The following PCDHGB5 variants were observed in gnomAD, a reference collection of about 807,000 sequenced individuals.
PCDHGB5 encodes protocadherin gamma subfamily B, 5, also known as protocadherin gamma-B5.
A neutral mutation model predicts 62.9 loss-of-function variants in PCDHGB5; 48 were observed. That is an observed-to-expected ratio of 0.76 (90% CI 0.61 to 0.97). PCDHGB5 has a LOEUF of 0.97. Ranked by LOEUF, PCDHGB5 falls within the 50% of genes least tolerant of loss-of-function variation. PCDHGB5 has a pLI of 0.00. For missense variants in PCDHGB5, 1,118 were observed against 1,198.6 expected, an observed-to-expected ratio of 0.93 and a Z score of 0.99; for synonymous variants, 474 against 511.2, an observed-to-expected ratio of 0.93 and a Z score of 0.98.
At chr5:141,419,521 C>A (rs1418329404) in intron 1 of PCDHGB5, 1 of 1,612,240 alleles carries the variant, frequency 6.2e-7, no homozygotes, top group Non-Finnish European at 8.5e-7. Context: ...TGGTGGGCGA[C>A]CGTAACGACA....
intron 1 of PCDHGB5, chr5:141,415,748 T>TTG (rs2095929710): frequency 9.9e-7 from 1 of 1,008,886 alleles, no homozygotes; most frequent in South Asian, 2.7e-5. Context: ...AGGTTTTTTT[T>TTG]TTTTTTTTTT....
chr5:141,448,983 T>G (rs1157371020), intron 1 of PCDHGB5, among the ~76,000 whole-genome samples: 1 of 152,004 alleles, frequency 6.6e-6, no homozygotes, highest in East Asian at 1.9e-4. Flanking sequence ...ACTTCCATAT[T>G]AATATATAGA....
chr5:141,511,093 G>A lies in PCDHGB5; in HGVS notation c.2692G>A (p.Ala898Thr), dbSNP rs377350933. The change falls in exon 4 of 4, where the codon GCA (alanine) becomes ACA (threonine). Residue 898 changes from alanine to threonine, a missense_variant. Physicochemically the swap from Ala to Thr is moderately conservative, Grantham distance 58. Coordinates refer to ENST00000617380, the MANE Select transcript of PCDHGB5 (RefSeq NM_018925.3). Reference protein sequence around the residue: ...IPGSNATLTNAAGKRDGKAPA... With the variant: ...IPGSNATLTNTAGKRDGKAPA... ...AGGCAGCAATGCCACACTGACCAACGCAGCTGGCAAGCGGGATGGCAAGGC... is the reference window on the plus strand; with the variant it reads ...AGGCAGCAATGCCACACTGACCAACACAGCTGGCAAGCGGGATGGCAAGGC... 8 of 1,614,072 alleles carry A rather than the reference G, an allele frequency of 5.0e-6. No individual in the cohort carries two copies. Among genetic ancestry groups the A allele is most frequent in the African/African-American group, 4.0e-5 (3 of 74,916 alleles).
At position 141,470,736 on chromosome 5, in the gene PCDHGB5, C is replaced by T. The variant is rs541510544; in HGVS notation, c.2398-24071C>T. ...TTTTTGAGTCAGGGTCTTGCTCTGT[C>T]GCCCTGGCTGGAGTGCAGTGGACTC... On this transcript the variant is annotated intron_variant, in intron 1 of 3. Coordinates refer to ENST00000617380, the MANE Select transcript of PCDHGB5 (RefSeq NM_018925.3). Among the ~76,000 whole-genome samples, 104 of 152,208 alleles carry T rather than the reference C, an allele frequency of 6.8e-4. 2 individuals carry two copies. Among genetic ancestry groups the T allele is most frequent in the African/African-American group, 2.4e-3 (98 of 41,522 alleles).
At chr5:141,413,840 G>T (rs1323659502) in intron 1 of PCDHGB5, 1 of 1,613,306 alleles carries the variant, frequency 6.2e-7, no homozygotes, top group Non-Finnish European at 8.5e-7. Flanking sequence ...TCCGACGGGG[G>T]TGACCCTCTC....
At chr5:141,408,070 T>C (rs1413400462) in intron 1 of PCDHGB5, 3 of 1,381,930 alleles carry the variant, frequency 2.2e-6, no homozygotes, top group Non-Finnish European at 2.9e-6. Context: ...TGCGCAGACC[T>C]TTCCCAGCAC....
Position 141,506,991 on chromosome 5 carries a change from C to T in PCDHGB5, c.2545+1510C>T, listed in dbSNP as rs190455068. 3 of 152,366 alleles carry T rather than the reference C, an allele frequency of 2.0e-5. No homozygotes were observed. In the East Asian group the frequency reaches 5.8e-4, roughly 29 times the overall value. The allele number at this position is 152,366 out of a possible 1,614,324, so 9.4% of individuals were successfully genotyped here. A position where few individuals can be genotyped will look rare whatever the true frequency, so the allele number is the denominator to read the frequency against. The stretch of plus-strand genomic sequence containing the variant: ...TGCAAGGCAGGTCTGATTTCTCACA[C>T]TCGACAGATGAGAGAACCGAGAAGG... On this transcript the variant is annotated intron_variant, in intron 3 of 3. Coordinates refer to ENST00000617380, the MANE Select transcript of PCDHGB5 (RefSeq NM_018925.3).
chr5:141,408,870 G>A (rs780987841), intron 1 of PCDHGB5: 1 of 1,613,656 alleles, frequency 6.2e-7, no homozygotes, highest in South Asian at 1.1e-5. Context: ...CCACCAAGAA[G>A]TGCCACCGCT....
At position 141,421,932 on chromosome 5, in the gene PCDHGB5, T is replaced by C. The variant is rs747598404; in HGVS notation, c.2397+21408T>C. On this transcript the variant is annotated intron_variant, in intron 1 of 3. Transcript: ENST00000617380. The stretch of plus-strand genomic sequence containing the variant: ...TTCCCATTCGTGTGGTGGTCCTCGA[T>C]GTAAATGATCACATCCCAATGTTTA... 3 of 1,613,588 alleles carry C rather than the reference T, an allele frequency of 1.9e-6. No individual in the cohort carries two copies. The East Asian group carries it at 6.7e-5, about 36-fold the overall frequency.
At chr5:141,413,065 T>A (rs2095601710) in intron 1 of PCDHGB5, 2 of 1,159,986 alleles carry the variant, frequency 1.7e-6, no homozygotes, top group African/African-American at 3.1e-5. Flanking sequence ...CTCCAGAATT[T>A]AAAGTGCCCA....
chr5:141,498,940 A>G (rs527366029), intron 2 of PCDHGB5, among the ~76,000 whole-genome samples: 57 of 140,142 alleles, frequency 4.1e-4, no homozygotes, highest in Non-Finnish European at 7.3e-4. Flanking sequence ...CAGGAAAGAA[A>G]GAAAGAAAAA....
intron 1 of PCDHGB5, among the ~76,000 whole-genome samples, chr5:141,406,591 A>T (rs559975786): frequency 6.6e-6 from 1 of 152,164 alleles, no homozygotes; most frequent in African/African-American, 2.4e-5. Flanking sequence ...TTTCCCTTTA[A>T]TGGTGAAAGT....
chr5:141,401,370 G>A (rs1226150761), intron 1 of PCDHGB5, among the ~76,000 whole-genome samples: 1 of 152,028 alleles, frequency 6.6e-6, no homozygotes, highest in Non-Finnish European at 1.5e-5. Flanking sequence ...AGGAGAGGAA[G>A]AAGAAGAAAA....
At chr5:141,456,593 G>C (rs917316601) in intron 1 of PCDHGB5, among the ~76,000 whole-genome samples, 2 of 152,168 alleles carry the variant, frequency 1.3e-5, no homozygotes, top group African/African-American at 4.8e-5. Flanking sequence ...CAATAATTTT[G>C]ATTTGATTTT....
chr5:141,478,724 G>T, intron 1 of PCDHGB5: 2 of 1,542,774 alleles, frequency 1.3e-6, no homozygotes, highest in Non-Finnish European at 1.8e-6. Context: ...TGGCCTGCCA[G>T]AGTGTGGTTT....
At chr5:141,454,019 A>G (rs905033407) in intron 1 of PCDHGB5, among the ~76,000 whole-genome samples, 1 of 152,262 alleles carries the variant, frequency 6.6e-6, no homozygotes, top group African/African-American at 2.4e-5. Flanking sequence ...AGAAAAATGT[A>G]TTAAGAATTG....
At chr5:141,429,164 G>A (rs2097189096) in intron 1 of PCDHGB5, 1 of 131,392 alleles carries the variant, frequency 7.6e-6, no homozygotes, top group African/African-American at 3.1e-5. Flanking sequence ...CGGAGACATT[G>A]TTTATACACA....
chr5:141,507,901 G>T (rs1332204823), intron 3 of PCDHGB5, among the ~76,000 whole-genome samples: 1 of 152,216 alleles, frequency 6.6e-6, no homozygotes, highest in Non-Finnish European at 1.5e-5. Flanking sequence ...CTGAAGTCCA[G>T]CCCAGCCAGG....
chr5:141,404,746 A>T (rs1219726027), intron 1 of PCDHGB5: 2 of 1,613,308 alleles, frequency 1.2e-6, no homozygotes, highest in Admixed American at 3.3e-5. Flanking sequence ...ACAGAGACTC[A>T]GGCCAGAATG....
Sources: allele counts gnomAD v4.1 joint callset (sites outside exome capture counted in the v4.1 genomes callset), GRCh38; gene constraint gnomAD v4.1.1; transcripts MANE v1.5; gene names NCBI Gene and HGNC (gene_info 2026-07-23, HGNC 2026-07-21).